The following PKN2 variants were observed in gnomAD, a reference collection of about 807,000 sequenced individuals.
PKN2 encodes serine/threonine-protein kinase N2.
A neutral mutation model predicts 119.1 loss-of-function variants in PKN2; 38 were observed. The observed-to-expected ratio is 0.32, with a 90% confidence interval of 0.25 to 0.42. PKN2 has a LOEUF of 0.42. Ranked by LOEUF, PKN2 falls within the 10% of genes least tolerant of loss-of-function variation. The probability of loss-of-function intolerance (pLI) is 1.00; values close to 1 mark genes in which losing one functional copy is unlikely to be tolerated. For missense variants in PKN2, 850 were observed against 1,165.1 expected (o/e 0.73, Z 3.94); for synonymous variants, 390 against 384.9 (o/e 1.01, Z -0.15).
chr1:88,829,244 G>A (rs916055025), intron 19 of PKN2: 2 of 696,112 alleles, frequency 2.9e-6, no homozygotes, highest in African/African-American at 3.5e-5. Flanking sequence ...CATGTTGAGT[G>A]GCCCAGGTCA....
At position 88,832,870 on chromosome 1, in the gene PKN2, A is replaced by G. The variant is rs756939658; in HGVS notation, c.2670+19A>G. On this transcript the variant is annotated intron_variant, in intron 20 of 21. Transcript: ENST00000370521. ...GAGAAGGGTAAGAATTAAAATAAGG[A>G]TAAGAATTTTTTAAAGACTACTTTA... 3 of 1,416,944 alleles carry G rather than the reference A, an allele frequency of 2.1e-6. No individual in the cohort carries two copies. The highest frequency in any genetic ancestry group is 2.9e-6 in the Non-Finnish European group (3 of 1,030,202). The allele number at this position is 1,416,944 out of a possible 1,614,324, so 87.8% of individuals were successfully genotyped here. A position where few individuals can be genotyped will look rare whatever the true frequency, so the allele number is the denominator to read the frequency against.
chr1:88,802,331 T>G, intron 8 of PKN2, among the ~76,000 whole-genome samples: 1 of 151,542 alleles, frequency 6.6e-6, no homozygotes, highest in East Asian at 1.9e-4. Context: ...AATTTTAATT[T>G]TTTTTTTTTT....
chr1:88,823,734 G>C (rs1320022416), intron 17 of PKN2, among the ~76,000 whole-genome samples: 1 of 146,524 alleles, frequency 6.8e-6, no homozygotes, highest in Non-Finnish European at 1.5e-5. Flanking sequence ...AAAAAGGCTG[G>C]GTGTGGTGGC....
chr1:88,764,914 GTTGTTTTGTT>G (rs373234738), intron 3 of PKN2, among the ~76,000 whole-genome samples: 8 of 151,746 alleles, frequency 5.3e-5, no homozygotes, highest in Non-Finnish European at 7.4e-5. Context: ...TGTTGTTATT[GTTGTTTTGTT>G]TTGTTTTGTT....
At position 88,762,627 on chromosome 1, in the gene PKN2, C is replaced by T. The variant is rs368408264; in HGVS notation, c.504+2251C>T. Among the ~76,000 whole-genome samples the T allele has an allele frequency of 1.5e-4, 23 of 152,076 alleles. 1 individual carries two copies. The East Asian group carries it at 2.5e-3, about 17-fold the overall frequency. On this transcript the variant is annotated intron_variant, in intron 3 of 21. Transcript: ENST00000370521. Reference sequence around the variant, plus strand: ...GGTGCCTTATTACATAGCAGGTACTCAATATATAATATCCTGCTTTTAAGA... The same window carrying T: ...GGTGCCTTATTACATAGCAGGTACTTAATATATAATATCCTGCTTTTAAGA...
At position 88,807,767 on chromosome 1, in the gene PKN2, A is replaced by G; in HGVS notation, c.2094A>G (p.Glu698=). ...LKKGDIVARD[E]VDSLMCEKRI... ...AAGGAGATATTGTGGCTCGAGATGA[A>G]GTAGACAGGTTAGTTTTTAAAAATG... is the stretch of plus-strand genomic sequence containing the variant. The change falls in exon 15 of 22, where the codon GAA becomes GAG. Residue 698 remains glutamate (E), a synonymous_variant. Transcript: ENST00000370521. The G allele has an allele frequency of 6.4e-7, 1 of 1,558,674 alleles. No individual in the cohort carries two copies. The highest frequency in any genetic ancestry group is 8.8e-7 in the Non-Finnish European group (1 of 1,141,972).
intron 3 of PKN2, among the ~76,000 whole-genome samples, chr1:88,765,691 CACTT>C: frequency 6.6e-6 from 1 of 152,248 alleles, no homozygotes; most frequent in South Asian, 2.1e-4. Flanking sequence ...GTTATAAAAG[CACTT>C]AACATGAGAA....
intron 1 of PKN2, among the ~76,000 whole-genome samples, chr1:88,723,707 T>TAA (rs756318541): frequency 1.3e-5 from 2 of 152,154 alleles, no homozygotes; most frequent in Non-Finnish European, 2.9e-5. Context: ...GGTATCCTTT[T>TAA]TATGTTTTCA....
intron 1 of PKN2, 101 bp downstream of exon 1, chr1:88,684,729 C>G (rs1044038737): frequency 1.9e-6 from 2 of 1,038,146 alleles, no homozygotes; most frequent in Non-Finnish European, 1.3e-6. Context: ...CGCCGCGCCC[C>G]TAGCCCGCTA....
At chr1:88,717,148 T>TTC (rs1166826189) in intron 1 of PKN2, among the ~76,000 whole-genome samples, 1 of 152,210 alleles carries the variant, frequency 6.6e-6, no homozygotes, top group East Asian at 1.9e-4. Flanking sequence ...CTTGTAGAGT[T>TTC]TCTGCCAAGA....
At chr1:88,706,212 T>G (rs1666996308) in intron 1 of PKN2, among the ~76,000 whole-genome samples, 1 of 152,208 alleles carries the variant, frequency 6.6e-6, no homozygotes, top group Non-Finnish European at 1.5e-5. Context: ...TTACATCTTT[T>G]GTTAGATATG....
In PKN2 at chr1:88,765,025, C is replaced by T. The variant is rs1348106728; in HGVS notation, c.504+4649C>T. On this transcript the variant is annotated intron_variant, in intron 3 of 21. Coordinates refer to ENST00000370521, the MANE Select transcript of PKN2 (RefSeq NM_006256.4). ...GCAACCTCTGCCTCCCAAATTCAAGCGATTCTTCTGCCTCAGCCTGCCTCC... is the reference window on the plus strand; with the variant it reads ...GCAACCTCTGCCTCCCAAATTCAAGTGATTCTTCTGCCTCAGCCTGCCTCC... Among the ~76,000 whole-genome samples, 7 of 152,004 alleles carry T rather than the reference C, an allele frequency of 4.6e-5. No individual in the cohort carries two copies. The East Asian group carries it at 5.8e-4, about 13-fold the overall frequency.
chr1:88,808,435 A>G (rs1266431233), intron 15 of PKN2, among the ~76,000 whole-genome samples: 1 of 151,936 alleles, frequency 6.6e-6, no homozygotes, highest in African/African-American at 2.4e-5. Flanking sequence ...TCTCCTGAGT[A>G]GCTGGGACTA....
intron 1 of PKN2, among the ~76,000 whole-genome samples, chr1:88,738,418 T>G (rs1557577860): frequency 1.3e-5 from 2 of 152,180 alleles, no homozygotes; most frequent in East Asian, 3.9e-4. Flanking sequence ...GTCAAGAAGA[T>G]ACTTGAAAGA....
At chr1:88,829,144 C>T in intron 19 of PKN2, 1 of 739,216 alleles carries the variant, frequency 1.4e-6, no homozygotes, top group South Asian at 1.4e-5. Flanking sequence ...TGTGAAGGCC[C>T]TGATGCCATG....
chr1:88,733,114 A>G (rs942816719), intron 1 of PKN2, among the ~76,000 whole-genome samples: 5 of 152,222 alleles, frequency 3.3e-5, no homozygotes, highest in South Asian at 2.1e-4. Context: ...GGTTGATTCC[A>G]TATCTTGGCT....
intron 2 of PKN2, among the ~76,000 whole-genome samples, chr1:88,742,930 C>T (rs1171833434): frequency 6.6e-6 from 1 of 152,076 alleles, no homozygotes; most frequent in Admixed American, 6.5e-5. Flanking sequence ...GTGGCTCGTG[C>T]CTATAATCCT....
In PKN2 at chr1:88,804,390, G is replaced by T; in HGVS notation, c.1282-1G>T. On this transcript the variant is annotated splice_acceptor_variant, in intron 8 of 21. Transcript: ENST00000370521. LOFTEE classifies it high-confidence loss of function. ...TTTATTATTTTTTTTAATTATCCTA[G>T]TCACGTGAACTGGAAATTTCAGTTT... The T allele has an allele frequency of 6.2e-7, 1 of 1,604,086 alleles. No individual in the cohort carries two copies. The highest frequency in any genetic ancestry group is 8.5e-7 in the Non-Finnish European group (1 of 1,174,334).
chr1:88,779,345 C>T (rs1271618833), intron 6 of PKN2, among the ~76,000 whole-genome samples: 1 of 149,794 alleles, frequency 6.7e-6, no homozygotes, highest in Non-Finnish European at 1.5e-5. Flanking sequence ...AAGTTTCTGT[C>T]AGTTTCTTTT....
Sources: allele counts gnomAD v4.1 joint callset (sites outside exome capture counted in the v4.1 genomes callset), GRCh38; gene constraint gnomAD v4.1.1; transcripts MANE v1.5; gene names NCBI Gene and HGNC (gene_info 2026-07-23, HGNC 2026-07-21).